Variants in FAAH2 observed in about 807,000 individuals in gnomAD.
FAAH2 encodes the protein fatty-acid amide hydrolase 2.
FAAH2 carries 60 observed loss-of-function variants against 36.9 expected under a neutral mutation model. That is an observed-to-expected ratio of 1.63 (90% confidence interval 1.32 to 2.02). The LOEUF is 2.02. Among genes scored for constraint, FAAH2 ranks in the 30% most tolerant of loss-of-function variants. The pLI, the probability that FAAH2 is intolerant of heterozygous loss-of-function variation, is 0.00. For missense variants in FAAH2, 689 were observed against 397.5 expected, an observed-to-expected ratio of 1.73 and a Z score of -6.23; for synonymous variants, 214 against 143.8, an observed-to-expected ratio of 1.49 and a Z score of -3.49.
At chrX:57,344,358 G>A (rs1307856280) in intron 5 of FAAH2, among the ~76,000 whole-genome samples, 1 of 110,289 alleles carries the variant, frequency 9.1e-6, no homozygotes, top group Non-Finnish European at 1.9e-5. Flanking sequence ...TTGTAGTTTT[G>A]GTGTGGCTAT....
intron 3 of FAAH2, among the ~76,000 whole-genome samples, chrX:57,328,384 A>G (rs1238669532): frequency 1.8e-5 from 2 of 111,286 alleles, no homozygotes; most frequent in Middle Eastern, 4.2e-3. Context: ...AAATTTTTAT[A>G]GTATGTTTTT....
At chrX:57,407,100 T>C (rs979650773) in intron 7 of FAAH2, among the ~76,000 whole-genome samples, 1 of 112,196 alleles carries the variant, frequency 8.9e-6, no homozygotes, top group African/African-American at 3.2e-5. Context: ...ATTCCCATAA[T>C]GGTGGCTCAT....
chrX:57,183,919 A>G, the FAAH2 span, among the ~76,000 whole-genome samples: 1 of 110,497 alleles, frequency 9.1e-6, no homozygotes, highest in African/African-American at 3.3e-5. Flanking sequence ...AGCAAGAAAT[A>G]TTAATATTAA....
intron 5 of FAAH2, among the ~76,000 whole-genome samples, chrX:57,353,406 G>T (rs2054076800): frequency 9.9e-6 from 1 of 100,723 alleles, no homozygotes; most frequent in African/African-American, 3.6e-5. Flanking sequence ...ATAAAAGAAT[G>T]AAACTAGACT....
chrX:57,488,809 T>G lies in FAAH2; in HGVS notation c.1476T>G (p.Asn492Lys). The G allele has an allele frequency of 8.3e-7, 1 of 1,211,643 alleles. No homozygotes were observed. The highest frequency in any genetic ancestry group is 1.7e-5 in the African/African-American group (1 of 57,891). The stretch of plus-strand genomic sequence containing the variant: ...TGACCCAATGCCCACTGGGACTGAA[T>G]GCCAAAGGACTCCCTTTAGGCATCC... ...LPVTQCPLGL[N>K]AKGLPLGIQV... is the part of the protein sequence containing the mutation. Residue 492 changes from asparagine to lysine, a missense_variant, in exon 11 of 11, where the codon AAT becomes AAG. Physicochemically the swap from Asn to Lys is moderately conservative, Grantham distance 94. Transcript: ENST00000374900.
chrX:57,191,195 A>G, the FAAH2 span, among the ~76,000 whole-genome samples: 1 of 112,002 alleles, frequency 8.9e-6, no homozygotes, highest in Non-Finnish European at 1.9e-5. Flanking sequence ...GTGGAGTGAG[A>G]TAGTATCTCA....
At chrX:57,470,065 C>G (rs201872025) in intron 10 of FAAH2, among the ~76,000 whole-genome samples, 2 of 111,699 alleles carry the variant, frequency 1.8e-5, no homozygotes, top group East Asian at 5.6e-4. Flanking sequence ...AACAAAGACA[C>G]AAAACACCAG....
the FAAH2 span, among the ~76,000 whole-genome samples, chrX:57,236,921 A>G: frequency 9.2e-6 from 1 of 108,830 alleles, no homozygotes; most frequent in Non-Finnish European, 1.9e-5. Flanking sequence ...ACCAAAAAAA[A>G]TTATTGATCA....
intron 7 of FAAH2, among the ~76,000 whole-genome samples, chrX:57,431,028 C>A (rs906560359): frequency 1.1e-4 from 12 of 111,568 alleles, no homozygotes; most frequent in African/African-American, 3.9e-4. Context: ...TGTTTCTAAA[C>A]TTTTTTTAGA....
chrX:57,161,059 G>A, the FAAH2 span, among the ~76,000 whole-genome samples: 1 of 111,915 alleles, frequency 8.9e-6, no homozygotes. Flanking sequence ...GGTATGTTGT[G>A]TCTTTGTTCT....
At chrX:57,411,383 G>A (rs901804038) in intron 7 of FAAH2, among the ~76,000 whole-genome samples, 2 of 111,460 alleles carry the variant, frequency 1.8e-5, no homozygotes, top group African/African-American at 6.5e-5. Flanking sequence ...TCTCATGTGA[G>A]TCATGCACAG....
chrX:57,356,557 T>C (rs1466665661), intron 5 of FAAH2, among the ~76,000 whole-genome samples: 1 of 110,743 alleles, frequency 9.0e-6, no homozygotes, highest in Non-Finnish European at 1.9e-5. Context: ...TTTAATGTAT[T>C]GCTTTATAAT....
chrX:57,344,878 T>C (rs1232071007), intron 5 of FAAH2, among the ~76,000 whole-genome samples: 2 of 111,769 alleles, frequency 1.8e-5, no homozygotes, highest in Non-Finnish European at 3.8e-5. Flanking sequence ...GTGTATGTGG[T>C]AAATCACTTT....
In FAAH2 at chrX:57,431,787, G is replaced by GTTTGTTTTT. The variant is rs1556012971; in HGVS notation, c.997-128_997-127insGTTTTTTTT. On this transcript the variant is annotated intron_variant, in intron 7 of 10. Transcript: ENST00000374900. ...TGTTTTTTTGTTTTTTTGTTTTTTT[G>GTTTGTTTTT]TTTTTTTTGGTGTTTCCATGGGGCA... 9 of 129,294 alleles carry GTTTGTTTTT rather than the reference G, an allele frequency of 7.0e-5. 1 individual carries two copies. The highest frequency in any genetic ancestry group is 5.0e-4 in the East Asian group (2 of 4,006). 10.7% of individuals were successfully genotyped at this position (129,294 alleles called of 1,213,427 possible). A position where few individuals can be genotyped will look rare whatever the true frequency, so the allele number is the denominator to read the frequency against.
At chrX:57,265,904 C>A in the FAAH2 span, among the ~76,000 whole-genome samples, 2 of 111,590 alleles carry the variant, frequency 1.8e-5, no homozygotes, top group Non-Finnish European at 3.8e-5. Flanking sequence ...TGGAGCCTCC[C>A]AACCAGGATC....
chrX:57,132,249 A>C, the FAAH2 span, among the ~76,000 whole-genome samples: 2 of 112,276 alleles, frequency 1.8e-5, no homozygotes, highest in Non-Finnish European at 3.8e-5. Context: ...CTGTTGGCCC[A>C]TTGCCAAAAT....
the FAAH2 span, among the ~76,000 whole-genome samples, chrX:57,208,371 A>T: frequency 8.9e-6 from 1 of 111,952 alleles, no homozygotes; most frequent in Non-Finnish European, 1.9e-5. Flanking sequence ...GGTGGAATGA[A>T]CCAGAGCCCA....
chrX:57,217,060 C>T, the FAAH2 span, among the ~76,000 whole-genome samples: 2 of 110,938 alleles, frequency 1.8e-5, no homozygotes, highest in African/African-American at 6.5e-5. Flanking sequence ...TGTTTGTTGG[C>T]CATTTGTATA....
intron 7 of FAAH2, chrX:57,394,732 A>T: frequency 1.2e-6 from 1 of 868,914 alleles, no homozygotes; most frequent in Non-Finnish European, 1.7e-6. Flanking sequence ...GACTATTGCT[A>T]GGTTTGATCC....
Sources: gnomAD v4.1 joint callset for allele counts (sites outside exome capture counted in the v4.1 genomes callset) on GRCh38, gnomAD v4.1.1 for gene constraint, MANE v1.5 for transcripts, NCBI Gene and HGNC (gene_info 2026-07-23, HGNC 2026-07-21) for gene names.